The following CSMD3 variants were observed in gnomAD, a reference collection of about 807,000 sequenced individuals.
CSMD3 encodes CUB and sushi domain-containing protein 3.
Under a neutral mutation model 435.2 loss-of-function variants are expected in CSMD3, and 177 were observed. That is an observed-to-expected ratio of 0.41 (90% CI 0.36 to 0.46). The LOEUF (loss-of-function observed/expected upper bound fraction) is 0.46, where lower values mean the gene tolerates loss of function less well. Ranked by LOEUF, CSMD3 falls within the 20% of genes least tolerant of loss-of-function variation. The pLI, the probability that CSMD3 is intolerant of heterozygous loss-of-function variation, is 0.34. For synonymous variants in CSMD3, 1,656 were observed against 1,520.5 expected (o/e 1.09, Z -2.07); for missense variants, 4,265 against 4,504.6 (o/e 0.95, Z 1.52).
At chr8:113,082,919 A>C (rs1388602314) in intron 5 of CSMD3, among the ~76,000 whole-genome samples, 4 of 152,136 alleles carry the variant, frequency 2.6e-5, no homozygotes, top group African/African-American at 9.6e-5. Flanking sequence ...AATTACAAGA[A>C]AATGAATAAA....
At chr8:112,871,575 A>G (rs2081136856) in intron 10 of CSMD3, among the ~76,000 whole-genome samples, 1 of 152,104 alleles carries the variant, frequency 6.6e-6, no homozygotes. Context: ...TAGCAATTGT[A>G]GAGAAAAAGT....
At chr8:112,399,008 C>T (rs1831090535) in intron 35 of CSMD3, among the ~76,000 whole-genome samples, 1 of 151,864 alleles carries the variant, frequency 6.6e-6, no homozygotes, top group Non-Finnish European at 1.5e-5. Flanking sequence ...CCTCTGCCTC[C>T]CAGGTTCAAT....
chr8:112,413,855 G>A (rs1811618430), intron 32 of CSMD3, among the ~76,000 whole-genome samples: 5 of 152,060 alleles, frequency 3.3e-5, no homozygotes. Context: ...TTACTTCTGT[G>A]TCTGTCTTTG....
intron 4 of CSMD3, among the ~76,000 whole-genome samples, chr8:113,170,734 C>T (rs944328807): frequency 6.6e-6 from 1 of 152,056 alleles, no homozygotes; most frequent in Admixed American, 6.6e-5. Context: ...CAGCACATAA[C>T]ATAATGCTTT....
intron 31 of CSMD3, among the ~76,000 whole-genome samples, chr8:112,477,844 T>C (rs539229086): frequency 6.6e-6 from 1 of 152,212 alleles, no homozygotes; most frequent in Non-Finnish European, 1.5e-5. Context: ...AAAATTTGAC[T>C]AGAAAATTCC....
At chr8:112,268,920 T>C (rs936361478) in intron 59 of CSMD3, among the ~76,000 whole-genome samples, 5 of 152,206 alleles carry the variant, frequency 3.3e-5, no homozygotes, top group African/African-American at 1.2e-4. Flanking sequence ...CTTGACCCTA[T>C]TGACATTTTC....
chr8:112,351,426 T>A (rs778808424), intron 39 of CSMD3, among the ~76,000 whole-genome samples, 182 bp from the exon 40 acceptor site: 11 of 152,018 alleles, frequency 7.2e-5, no homozygotes, highest in Non-Finnish European at 1.5e-4. Flanking sequence ...ACACCTATGA[T>A]AAAATGTAAG....
intron 40 of CSMD3, among the ~76,000 whole-genome samples, chr8:112,349,059 A>G (rs1825916645): frequency 6.6e-6 from 1 of 152,056 alleles, no homozygotes; most frequent in Non-Finnish European, 1.5e-5. Context: ...TAATTAATCT[A>G]TTTAAGAAAA....
chr8:113,303,111 A>C (rs1377007836), intron 2 of CSMD3, among the ~76,000 whole-genome samples: 7 of 144,082 alleles, frequency 4.9e-5, no homozygotes, highest in South Asian at 2.3e-4. Flanking sequence ...TTCTTATACA[A>C]CAACAACAGA....
At chr8:112,850,863 C>T (rs113029677) in intron 11 of CSMD3, among the ~76,000 whole-genome samples, 5,296 of 152,230 alleles carry the variant, frequency 0.035, 150 homozygotes, top group Middle Eastern at 0.051. Context: ...CAGAGATGCA[C>T]TGTCTTTCAT....
intron 61 of CSMD3, chr8:112,256,051 C>T (rs926245105): frequency 6.6e-6 from 1 of 152,124 alleles, no homozygotes; most frequent in African/African-American, 2.4e-5. Flanking sequence ...CTACAACAAG[C>T]ACTGGAAAGA....
chr8:112,530,878 G>A (rs1825461167), intron 27 of CSMD3, among the ~76,000 whole-genome samples: 2 of 152,162 alleles, frequency 1.3e-5, no homozygotes, highest in South Asian at 4.1e-4. Context: ...AAGGGCTTAA[G>A]CCCTAGCTGA....
At chr8:112,780,188 G>A (rs576093163) in intron 13 of CSMD3, among the ~76,000 whole-genome samples, 9 of 151,994 alleles carry the variant, frequency 5.9e-5, no homozygotes, top group East Asian at 2.0e-4. Flanking sequence ...ATACCCTGGC[G>A]CCATGTAGAA....
intron 2 of CSMD3, chr8:113,312,375 G>C (rs556752112): frequency 3.9e-5 from 6 of 152,146 alleles, no homozygotes; most frequent in Admixed American, 1.3e-4. Context: ...AATGTTAAGG[G>C]TTAGAGTCAC....
intron 22 of CSMD3, among the ~76,000 whole-genome samples, chr8:112,603,467 T>C (rs921736379): frequency 6.6e-6 from 1 of 152,188 alleles, no homozygotes; most frequent in Non-Finnish European, 1.5e-5. Context: ...AAATTATTAC[T>C]CTAGTACAGT....
chr8:112,800,419 G>C (rs113344364), intron 12 of CSMD3, 145 bp from the exon 13 acceptor site: 4 of 675,470 alleles, frequency 5.9e-6, no homozygotes, highest in African/African-American at 5.4e-5. Context: ...TGATGTGACA[G>C]AAGAAAAAAC....
At chr8:113,301,072 CATACATGTTCATGTATGATTA>C (rs1162529636) in intron 2 of CSMD3, among the ~76,000 whole-genome samples, 4 of 148,330 alleles carry the variant, frequency 2.7e-5, no homozygotes, top group African/African-American at 5.1e-5. Context: ...ATGTATGATT[CATACATGTTCATGTATGATTA>C]AAGTATAATT....
At chr8:112,402,601 C>G (rs1180239941) in intron 35 of CSMD3, among the ~76,000 whole-genome samples, 1 of 152,004 alleles carries the variant, frequency 6.6e-6, no homozygotes, top group East Asian at 1.9e-4. Context: ...TCTATTTTTA[C>G]AGCATTGATA....
At chr8:112,704,784 ATTAT>A (rs540969760) in intron 13 of CSMD3, among the ~76,000 whole-genome samples, 41 of 152,270 alleles carry the variant, frequency 2.7e-4, no homozygotes, top group Non-Finnish European at 5.0e-4. Flanking sequence ...TACTTCAAAC[ATTAT>A]TTATTAGTAG....
Sources: gnomAD v4.1 joint callset for allele counts (sites outside exome capture counted in the v4.1 genomes callset) on GRCh38, gnomAD v4.1.1 for gene constraint, MANE v1.5 for transcripts, NCBI Gene and HGNC (gene_info 2026-07-23, HGNC 2026-07-21) for gene names.